The following SAMD5 variants were observed in gnomAD, a reference collection of about 807,000 sequenced individuals.
SAMD5 encodes the protein sterile alpha motif domain containing 5, also known as sterile alpha motif domain-containing protein 5.
SAMD5 carries 13 observed loss-of-function variants against 11.3 expected under a neutral mutation model. That is an observed-to-expected ratio of 1.15 (90% CI 0.75 to 1.83). The LOEUF (loss-of-function observed/expected upper bound fraction) is 1.83, where lower values mean the gene tolerates loss of function less well. SAMD5 is among the 40% of genes most tolerant of loss of function. The pLI is 0.00. For synonymous variants in SAMD5, 129 were observed against 111.3 expected (o/e 1.16, Z -1.00); for missense variants, 255 against 239.1 (o/e 1.07, Z -0.44).
intron 1 of SAMD5, among the ~76,000 whole-genome samples, chr6:147,513,506 A>G (rs1221989150): frequency 2.0e-5 from 3 of 152,176 alleles, no homozygotes. Flanking sequence ...AGGTTGAAAC[A>G]TACGGAGTGT....
chr6:147,674,792 A>G (rs927518589), intron 1 of SAMD5, among the ~76,000 whole-genome samples: 19 of 152,202 alleles, frequency 1.2e-4, no homozygotes, highest in African/African-American at 4.1e-4. Flanking sequence ...CCAAGAATCT[A>G]CAAGTGAGGA....
rs142504345 is a variant in SAMD5, at chr6:147,608,405, G to A, written c.162+99018G>A. ...GGAGCAACCTAAGTGTCCATCAGCA[G>A]ATGAACAGATAAGAAAATGTGGTAC... On this transcript the variant is annotated intron_variant, in intron 1 of 1. Transcript: ENST00000566741. Among the ~76,000 whole-genome samples, 275 of 152,298 alleles carry A rather than the reference G, an allele frequency of 1.8e-3. 1 individual carries two copies. Among genetic ancestry groups the A allele is most frequent in the African/African-American group, 6.3e-3 (263 of 41,556 alleles).
intron 1 of SAMD5, among the ~76,000 whole-genome samples, chr6:147,614,265 C>G (rs1048953786): frequency 3.3e-5 from 5 of 151,772 alleles, no homozygotes; most frequent in Admixed American, 2.0e-4. Flanking sequence ...CTCAGGAGTT[C>G]GAGACCAGCC....
At chr6:147,509,615 A>G (rs1256633306) in intron 1 of SAMD5, among the ~76,000 whole-genome samples, 1 of 152,128 alleles carries the variant, frequency 6.6e-6, no homozygotes, top group Non-Finnish European at 1.5e-5. Context: ...TGTTATCTCT[A>G]AACTAACGAC....
At chr6:147,641,383 A>G (rs1464903598) in intron 1 of SAMD5, among the ~76,000 whole-genome samples, 1 of 152,100 alleles carries the variant, frequency 6.6e-6, no homozygotes, top group East Asian at 1.9e-4. Context: ...CCCTCATCAC[A>G]ATATATGTGA....
At chr6:147,726,479 A>T (rs929932508) in intron 1 of SAMD5, among the ~76,000 whole-genome samples, 7 of 152,316 alleles carry the variant, frequency 4.6e-5, no homozygotes, top group African/African-American at 1.7e-4. Flanking sequence ...TCCATTTCAG[A>T]TGAGGTTTCA....
intron 1 of SAMD5, among the ~76,000 whole-genome samples, chr6:147,693,687 C>A (rs142637482): frequency 0.011 from 1,684 of 152,202 alleles, 49 homozygotes; most frequent in African/African-American, 0.039. Flanking sequence ...AGATTGGGGC[C>A]GGGCGCGGTG....
At chr6:147,902,475 AT>A in the SAMD5 span, among the ~76,000 whole-genome samples, 1 of 152,128 alleles carries the variant, frequency 6.6e-6, no homozygotes, top group African/African-American at 2.4e-5. Context: ...TTAACCTAGT[AT>A]TTCTCCAACT....
chr6:147,733,188 C>T (rs12111359), intron 1 of SAMD5, among the ~76,000 whole-genome samples: 12,247 of 152,174 alleles, frequency 0.08, 1,187 homozygotes, highest in African/African-American at 0.23. Context: ...TGGATTAGCA[C>T]AAAGTAGGTC....
the SAMD5 span, among the ~76,000 whole-genome samples, chr6:147,769,792 A>G: frequency 2.0e-5 from 3 of 152,190 alleles, no homozygotes; most frequent in African/African-American, 7.2e-5. Flanking sequence ...ACTTGGCCAG[A>G]CATGTCTGTT....
chr6:147,515,589 C>G (rs1788158126), intron 1 of SAMD5, among the ~76,000 whole-genome samples: 1 of 152,060 alleles, frequency 6.6e-6, no homozygotes, highest in African/African-American at 2.4e-5. Flanking sequence ...TCCATTTATC[C>G]ATCCATCCAT....
At chr6:147,891,007 A>G in the SAMD5 span, among the ~76,000 whole-genome samples, 5 of 152,378 alleles carry the variant, frequency 3.3e-5, no homozygotes, top group Admixed American at 1.3e-4. Flanking sequence ...GTATGATTGC[A>G]TATGGATATT....
At chr6:147,708,689 C>T (rs1791357692) in intron 1 of SAMD5, among the ~76,000 whole-genome samples, 1 of 152,116 alleles carries the variant, frequency 6.6e-6, no homozygotes, top group Non-Finnish European at 1.5e-5. Context: ...TTAAATTAGG[C>T]CCCCTGCAAA....
At chr6:147,921,709 G>T in the SAMD5 span, among the ~76,000 whole-genome samples, 1 of 151,982 alleles carries the variant, frequency 6.6e-6, no homozygotes, top group South Asian at 2.1e-4. Flanking sequence ...GTTTTGGAGG[G>T]CAACCACCCA....
At chr6:147,521,914 C>T (rs890114263) in intron 1 of SAMD5, among the ~76,000 whole-genome samples, 5 of 152,024 alleles carry the variant, frequency 3.3e-5, no homozygotes, top group Admixed American at 3.3e-4. Context: ...CTCAATTTGT[C>T]ATTTGCCTTT....
At chr6:147,872,339 C>T in the SAMD5 span, among the ~76,000 whole-genome samples, 1 of 152,164 alleles carries the variant, frequency 6.6e-6, no homozygotes, top group African/African-American at 2.4e-5. Context: ...CTCAAGAGAC[C>T]CTCTCACCTC....
chr6:147,666,956 A>C (rs968371059), intron 1 of SAMD5, among the ~76,000 whole-genome samples: 1 of 152,082 alleles, frequency 6.6e-6, no homozygotes, highest in Non-Finnish European at 1.5e-5. Flanking sequence ...GCCTTTTGTC[A>C]TATGTGTCTT....
the SAMD5 span, among the ~76,000 whole-genome samples, chr6:147,756,667 C>T: frequency 6.6e-6 from 1 of 152,146 alleles, no homozygotes; most frequent in South Asian, 2.1e-4. Flanking sequence ...ATAGAGAAGG[C>T]GAGACTGAAT....
intron 1 of SAMD5, among the ~76,000 whole-genome samples, chr6:147,605,999 A>T (rs1296877944): frequency 1.3e-5 from 2 of 152,160 alleles, no homozygotes; most frequent in African/African-American, 4.8e-5. Context: ...CATGAATAAC[A>T]GCATTCAAAA....
Sources: gnomAD v4.1 joint callset for allele counts (sites outside exome capture counted in the v4.1 genomes callset) on GRCh38, gnomAD v4.1.1 for gene constraint, MANE v1.5 for transcripts, NCBI Gene and HGNC (gene_info 2026-07-23, HGNC 2026-07-21) for gene names.